Variants in BDP1 observed in about 807,000 individuals in gnomAD.
The protein encoded by BDP1 is BDP1 general transcription factor IIIB subunit, also known as transcription factor TFIIIB component B'' homolog.
BDP1 carries 169 observed loss-of-function variants against 266.6 expected under a neutral mutation model. The ratio of observed to expected loss-of-function variants is 0.63; its 90% CI spans 0.56 to 0.72. BDP1 has a LOEUF of 0.72. BDP1 is among the 30% of genes least tolerant of loss of function. The pLI, the probability that BDP1 is intolerant of heterozygous loss-of-function variation, is 0.00. For missense variants in BDP1, 3,015 were observed against 3,053.8 expected (o/e 0.99, Z 0.30); for synonymous variants, 1,090 against 1,022.4 (o/e 1.07, Z -1.26).
rs770711345 is a variant in BDP1 at position 71,517,447 on chromosome 5, A to G, written c.4986A>G (p.Thr1662=). Residue 1662 remains threonine, a synonymous_variant, in exon 22 of 39, where the codon ACA becomes ACG. Coordinates refer to ENST00000358731, the MANE Select transcript of BDP1 (RefSeq NM_018429.3). ...ENLHVNKTNE[T]IRHENKPYVP... The stretch of plus-strand genomic sequence containing the variant: ...TTCATGTTAACAAAACAAATGAAAC[A>G]ATCAGGTGAGTTTGCTTTTAATGAG... The G allele has an allele frequency of 1.3e-6, 2 of 1,574,066 alleles. No homozygotes were observed.
At chr5:71,457,263 G>A (rs975829471) in intron 1 of BDP1, among the ~76,000 whole-genome samples, 4 of 127,278 alleles carry the variant, frequency 3.1e-5, no homozygotes, top group African/African-American at 1.2e-4. Flanking sequence ...AATATAATTT[G>A]TTTTTTAGTC....
rs1281016065 is a variant in BDP1 at position 71,458,736 on chromosome 5, G to C, written c.370G>C (p.Glu124Gln). Residue 124 changes from glutamate (E) to glutamine (Q), a missense_variant, in exon 2 of 39, where the codon GAG (glutamate) becomes CAG (glutamine). By Grantham distance (29) the Glu-to-Gln change is conservative. Coordinates refer to ENST00000358731, the MANE Select transcript of BDP1 (RefSeq NM_018429.3). ...ESHPLSTINQ[E>Q]APQPTATSTK... ...TCATCCCTTATCTACAATTAATCAA[G>C]AGGCTCCACAGCCAACTGCCACTTC... 1.9e-6 allele frequency: 3 copies of C among 1,614,106 alleles called. No individual in the cohort carries two copies. In the South Asian group the frequency reaches 3.3e-5, roughly 18 times the overall value.
At chr5:71,536,534 A>T (rs1397492182) in intron 26 of BDP1, among the ~76,000 whole-genome samples, 1 of 152,196 alleles carries the variant, frequency 6.6e-6, no homozygotes, top group African/African-American at 2.4e-5. Context: ...TTAGGAAGCA[A>T]TTCTGCTAAA....
At chr5:71,529,735 G>A (rs1048002169) in intron 25 of BDP1, among the ~76,000 whole-genome samples, 3 of 152,166 alleles carry the variant, frequency 2.0e-5, no homozygotes, top group African/African-American at 7.2e-5. Context: ...GATATAAAGT[G>A]TTGATATGTG....
At chr5:71,571,883 A>G (rs1228550227), downstream of BDP1, among the ~76,000 whole-genome samples, 1 of 152,062 alleles carries the variant, frequency 6.6e-6, no homozygotes, top group Non-Finnish European at 1.5e-5. Context: ...CACCCTCCCA[A>G]AATGCTGGGA....
intron 33 of BDP1, among the ~76,000 whole-genome samples, chr5:71,549,099 ACGGTGGC>A (rs1445407602): frequency 1.3e-5 from 2 of 152,174 alleles, no homozygotes; most frequent in Non-Finnish European, 2.9e-5. Flanking sequence ...CTAGCCAGGC[ACGGTGGC>A]ATGCACCTGT....
In BDP1 at chr5:71,514,209, G is replaced by A. The variant is rs140085049; in HGVS notation, c.4471-735G>A. Among the ~76,000 whole-genome samples the A allele has an allele frequency of 3.3e-5, 5 of 152,268 alleles. No homozygotes were observed. The East Asian group carries it at 5.8e-4, about 18-fold the overall frequency. On this transcript the variant is annotated intron_variant, in intron 19 of 38. Transcript: ENST00000358731. ...ATAAACTGAATGTTTTCCACATTCA[G>A]TGGAAGTCCTTCTTAGAATTAAAAT...
At chr5:71,544,560 C>T in intron 31 of BDP1, 53 bp downstream of exon 31, 2 of 1,546,018 alleles carry the variant, frequency 1.3e-6, no homozygotes, top group Non-Finnish European at 1.8e-6. Context: ...CAGCTATAGC[C>T]TTAAGTTGTG....
At chr5:71,541,232 A>G (rs1766943969) in intron 28 of BDP1, among the ~76,000 whole-genome samples, 1 of 152,204 alleles carries the variant, frequency 6.6e-6, no homozygotes, top group African/African-American at 2.4e-5. Flanking sequence ...AGGATTATTA[A>G]GCTCACAACA....
chr5:71,528,079 C>T (rs1323399457), intron 25 of BDP1, among the ~76,000 whole-genome samples: 3 of 152,086 alleles, frequency 2.0e-5, no homozygotes, highest in Admixed American at 6.5e-5. Context: ...CCTGGGCCTC[C>T]CAAAGTGCTG....
At position 71,540,772 on chromosome 5, in the gene BDP1, A is replaced by G. The variant is rs1049844489; in HGVS notation, c.6023-682A>G. On this transcript the variant is annotated intron_variant, in intron 28 of 38. Coordinates refer to ENST00000358731, the MANE Select transcript of BDP1 (RefSeq NM_018429.3). ...GGCAACATGGTGGAACCCCGTCTCTACAAAAAATACAAAAAATTAGGCAGG... is the reference window on the plus strand; with the variant it reads ...GGCAACATGGTGGAACCCCGTCTCTGCAAAAAATACAAAAAATTAGGCAGG... Among the ~76,000 whole-genome samples the G allele has an allele frequency of 2.6e-5, 4 of 152,242 alleles. No homozygotes were observed. The East Asian group carries it at 5.8e-4, about 22-fold the overall frequency.
intron 25 of BDP1, among the ~76,000 whole-genome samples, chr5:71,531,911 T>C (rs902920688): frequency 3.9e-5 from 6 of 152,208 alleles, no homozygotes; most frequent in African/African-American, 1.4e-4. Flanking sequence ...TGTGAATTCA[T>C]TGAGGATAGG....
At chr5:71,501,674 A>G (rs758728880) in intron 14 of BDP1, 21 bp downstream of exon 14, 1 of 120,106 alleles carries the variant, frequency 8.3e-6, no homozygotes. Flanking sequence ...AGGAAGTAGT[A>G]AAAAAAAAAA....
At chr5:71,480,858 C>G (rs1762912516) in intron 7 of BDP1, among the ~76,000 whole-genome samples, 1 of 152,220 alleles carries the variant, frequency 6.6e-6, no homozygotes, top group African/African-American at 2.4e-5. Flanking sequence ...AACCACCATG[C>G]CCGGCCAACC....
chr5:71,523,828 G>T, intron 24 of BDP1, 111 bp from the exon 25 acceptor site: 1 of 1,073,434 alleles, frequency 9.3e-7, no homozygotes, highest in South Asian at 1.8e-5. Context: ...ATGGGTGGTG[G>T]GAATTTTCAT....
intron 7 of BDP1, among the ~76,000 whole-genome samples, chr5:71,478,230 CAA>C (rs949683410): frequency 1.2e-4 from 19 of 152,046 alleles, no homozygotes; most frequent in African/African-American, 4.1e-4. Flanking sequence ...GCCTGGGTAA[CAA>C]GAGCAAAACT....
At chr5:71,557,839 A>G (rs1743335330) in intron 36 of BDP1, among the ~76,000 whole-genome samples, 1 of 152,138 alleles carries the variant, frequency 6.6e-6, no homozygotes, top group African/African-American at 2.4e-5. Context: ...CCTGTGGCCT[A>G]TAATGGCATT....
At chr5:71,498,891 T>G (rs553896933) in intron 13 of BDP1, among the ~76,000 whole-genome samples, 1 of 152,042 alleles carries the variant, frequency 6.6e-6, no homozygotes, top group East Asian at 1.9e-4. Context: ...GCCCAGCTAA[T>G]TTTTGTATTT....
rs1761348664 is a variant in BDP1 at position 71,458,662 on chromosome 5, C to T, written c.296C>T (p.Ser99Leu). 1.2e-5 allele frequency: 20 copies of T among 1,613,680 alleles called. No homozygotes were observed. Among genetic ancestry groups the T allele is most frequent in the African/African-American group, 2.7e-5 (2 of 74,888 alleles). The change falls in exon 2 of 39, where the codon TCA becomes TTA. Residue 99 changes from serine to leucine, a missense_variant. Ser to Leu is a moderately radical substitution (Grantham distance 145, BLOSUM62 -2). Coordinates refer to ENST00000358731, the MANE Select transcript of BDP1 (RefSeq NM_018429.3). ...STVSQRRKRISSTSSLVKSSV... is the reference protein window; with the variant it reads ...STVSQRRKRILSTSSLVKSSV... ...GTTTCACAGAGAAGAAAGCGAATAT[C>T]AAGTACTTCTAGCCTGGTTAAGTCT...
Sources: gnomAD v4.1 joint callset for allele counts (sites outside exome capture counted in the v4.1 genomes callset) on GRCh38, gnomAD v4.1.1 for gene constraint, MANE v1.5 for transcripts, NCBI Gene and HGNC (gene_info 2026-07-23, HGNC 2026-07-21) for gene names.